Variants in BRINP1 observed in about 807,000 individuals in gnomAD.
BRINP1 encodes BMP/retinoic acid inducible neural specific 1.
In BRINP1, 17 loss-of-function variants were observed where a neutral mutation model predicts 72.9. The ratio of observed to expected loss-of-function variants is 0.23; its 90% CI spans 0.16 to 0.35. The LOEUF (loss-of-function observed/expected upper bound fraction) is 0.35, where lower values mean the gene tolerates loss of function less well. Ranked by LOEUF, BRINP1 falls within the 10% of genes least tolerant of loss-of-function variation. BRINP1 has a pLI of 1.00. For missense variants in BRINP1, 850 were observed against 1,001.6 expected (o/e 0.85, Z 2.04); for synonymous variants, 418 against 378.5 (o/e 1.10, Z -1.21).
In BRINP1 at chr9:119,175,117, TATA is replaced by T. The variant is rs1564209500; in HGVS notation, c.1146-6896_1146-6894del. Among the ~76,000 whole-genome samples, 282 of 51,466 alleles carry T rather than the reference TATA, an allele frequency of 5.5e-3. 1 individual carries two copies. Among genetic ancestry groups the T allele is most frequent in the African/African-American group, 0.034 (202 of 5,932 alleles). 33.8% of individuals were successfully genotyped at this position (51,466 alleles called of 152,430 possible). On this transcript the variant is annotated intron_variant, in intron 7 of 7. Coordinates refer to ENST00000265922, the MANE Select transcript of BRINP1 (RefSeq NM_014618.3). ...ATGTACCCTAAAACTTAAAGTAAAGTATAAAAAAAAAAAAAGACAAAAAAAAAA... is the reference window on the plus strand; with the variant it reads ...ATGTACCCTAAAACTTAAAGTAAAGTAAAAAAAAAAAAGACAAAAAAAAAA...
chr9:119,368,269 C>T lies in BRINP1; in HGVS notation c.-51+787G>A, dbSNP rs1831716806. ...ACCGCTGACTTCCCCCTTTCTCTGT[C>T]ACCCACTATCCAGTGTCTCCAAATT... On this transcript the variant is annotated intron_variant, in intron 1 of 7. Transcript: ENST00000265922. This position sits in a 1 kb window ranked among gnomAD's most constrained non-coding sequence, Gnocchi z 4.7. Among the ~76,000 whole-genome samples the T allele has an allele frequency of 6.6e-6, 1 of 152,174 alleles. No individual in the cohort carries two copies. Among genetic ancestry groups the T allele is most frequent in the Admixed American group, 6.5e-5 (1 of 15,284 alleles).
intron 1 of BRINP1, among the ~76,000 whole-genome samples, chr9:119,343,399 G>A (rs934680499): frequency 6.6e-6 from 1 of 152,010 alleles, no homozygotes; most frequent in African/African-American, 2.4e-5. Context: ...TCCATTCCCC[G>A]CCTGGCACCA....
chr9:119,211,849 C>G (rs926692595), intron 6 of BRINP1, among the ~76,000 whole-genome samples: 1 of 152,168 alleles, frequency 6.6e-6, no homozygotes. Flanking sequence ...AAATCATTTT[C>G]TTGGCCTGTT....
chr9:119,185,798 G>A (rs1829611005), intron 7 of BRINP1, among the ~76,000 whole-genome samples: 1 of 152,208 alleles, frequency 6.6e-6, no homozygotes, highest in Non-Finnish European at 1.5e-5. Flanking sequence ...AGTTTGCACA[G>A]CTGTACTACT....
intron 1 of BRINP1, among the ~76,000 whole-genome samples, chr9:119,336,856 A>C (rs1182040820): frequency 1.3e-5 from 2 of 152,162 alleles, no homozygotes; most frequent in African/African-American, 4.8e-5. Flanking sequence ...TATGAGAATG[A>C]AAGAGGATAG....
intron 2 of BRINP1, among the ~76,000 whole-genome samples, chr9:119,288,507 C>A (rs1830789885): frequency 6.6e-6 from 1 of 151,878 alleles, no homozygotes; most frequent in Non-Finnish European, 1.5e-5. Flanking sequence ...GAAAGAGTAG[C>A]AAAAACACAA....
At chr9:119,246,404 C>T (rs959775830) in intron 3 of BRINP1, among the ~76,000 whole-genome samples, 1 of 152,200 alleles carries the variant, frequency 6.6e-6, no homozygotes, top group Non-Finnish European at 1.5e-5. Context: ...GCCTCCCAGG[C>T]TACATCTTTT....
At chr9:119,362,293 T>C (rs531493520) in intron 1 of BRINP1, among the ~76,000 whole-genome samples, 1 of 152,236 alleles carries the variant, frequency 6.6e-6, no homozygotes, top group African/African-American at 2.4e-5. Flanking sequence ...TGTGCTCTTA[T>C]TGTATAATAT....
intron 2 of BRINP1, among the ~76,000 whole-genome samples, chr9:119,289,533 AG>A (rs1351687830): frequency 1.3e-5 from 2 of 152,248 alleles, no homozygotes; most frequent in Non-Finnish European, 1.5e-5. Flanking sequence ...AGAAGAAGGT[AG>A]GAAAGGTAAA....
At chr9:119,243,164 T>TAA (rs1443723935) in intron 3 of BRINP1, among the ~76,000 whole-genome samples, 3 of 152,242 alleles carry the variant, frequency 2.0e-5, no homozygotes, top group South Asian at 4.1e-4. Flanking sequence ...ACCCATCACC[T>TAA]AAGTATTAAA....
chr9:119,233,699 T>C (rs1042555457), intron 5 of BRINP1, among the ~76,000 whole-genome samples: 5 of 152,174 alleles, frequency 3.3e-5, no homozygotes, highest in Non-Finnish European at 7.3e-5. Context: ...GCTTTTTGAA[T>C]TTTCACAAAG....
At chr9:119,246,357 G>A (rs1276528790) in intron 3 of BRINP1, among the ~76,000 whole-genome samples, 2 of 152,182 alleles carry the variant, frequency 1.3e-5, no homozygotes, top group African/African-American at 2.4e-5. Context: ...TGGCTAGAAC[G>A]AAAGCAGGCA....
At chr9:119,177,078 A>T (rs185862508) in intron 7 of BRINP1, among the ~76,000 whole-genome samples, 81 of 152,346 alleles carry the variant, frequency 5.3e-4, no homozygotes, top group Non-Finnish European at 3.4e-4. Context: ...CCTAGCCCAG[A>T]GGCTGGCTCT....
chr9:119,170,602 C>T (rs112450552), intron 7 of BRINP1, among the ~76,000 whole-genome samples: 2 of 150,822 alleles, frequency 1.3e-5, no homozygotes, highest in Non-Finnish European at 2.9e-5. Flanking sequence ...CAAGGCAGGC[C>T]AACGTTCAGA....
chr9:119,170,636 C>A (rs1829394461), intron 7 of BRINP1, among the ~76,000 whole-genome samples: 2 of 145,128 alleles, frequency 1.4e-5, no homozygotes, highest in Admixed American at 6.9e-5. Flanking sequence ...GAGAATGCCA[C>A]AAAGATACTC....
intron 1 of BRINP1, among the ~76,000 whole-genome samples, chr9:119,318,115 G>A (rs1263069165): frequency 6.6e-6 from 1 of 152,146 alleles, no homozygotes; most frequent in African/African-American, 2.4e-5. Flanking sequence ...GCCTTTAACT[G>A]GAAATGATCT....
At chr9:119,222,302 A>G (rs151034130) in intron 5 of BRINP1, among the ~76,000 whole-genome samples, 59 of 152,264 alleles carry the variant, frequency 3.9e-4, no homozygotes, top group Middle Eastern at 3.4e-3. Flanking sequence ...ACTAACAGAT[A>G]CAGGAGTTGA....
intron 3 of BRINP1, among the ~76,000 whole-genome samples, chr9:119,244,498 G>A (rs1032750329): frequency 3.3e-5 from 5 of 152,146 alleles, no homozygotes; most frequent in African/African-American, 9.7e-5. Context: ...ATGAGTGGAT[G>A]GGTGTATAGA....
intron 1 of BRINP1, among the ~76,000 whole-genome samples, chr9:119,364,942 G>C (rs1001115664): frequency 6.6e-6 from 1 of 152,228 alleles, no homozygotes; most frequent in African/African-American, 2.4e-5. Context: ...GAAAGTGTGA[G>C]AGACAGAGAG....
Sources: allele counts gnomAD v4.1 joint callset (sites outside exome capture counted in the v4.1 genomes callset), GRCh38; gene constraint gnomAD v4.1.1; non-coding constraint Gnocchi (gnomAD v3.1); transcripts MANE v1.5; gene names NCBI Gene and HGNC (gene_info 2026-07-23, HGNC 2026-07-21).